ABAT: variants seen among roughly 807,000 people sequenced by gnomAD.
ABAT encodes the protein 4-aminobutyrate aminotransferase.
Under a neutral mutation model 64.6 loss-of-function variants are expected in ABAT, and 45 were observed. The observed-to-expected ratio is 0.70, with a 90% CI of 0.55 to 0.89. The LOEUF is 0.89. Ranked by LOEUF, ABAT falls within the 40% of genes least tolerant of loss-of-function variation. The probability of loss-of-function intolerance (pLI) is 0.00; values close to 1 mark genes in which losing one functional copy is unlikely to be tolerated. For synonymous variants in ABAT, 297 were observed against 250.5 expected, an observed-to-expected ratio of 1.19 and a Z score of -1.75; for missense variants, 633 against 658.4, an observed-to-expected ratio of 0.96 and a Z score of 0.42.
chr16:8,682,186 T>TAC (rs55951090), intron 1 of ABAT, among the ~76,000 whole-genome samples: 29,795 of 131,342 alleles, frequency 0.23, 3,170 homozygotes, highest in Admixed American at 0.28. Context: ...CCTAACAGGA[T>TAC]ACACACACAC....
chr16:8,754,134 C>G (rs2059570662), intron 5 of ABAT, among the ~76,000 whole-genome samples: 1 of 135,136 alleles, frequency 7.4e-6, no homozygotes, highest in Non-Finnish European at 1.5e-5. Flanking sequence ...AGCTTGAGCT[C>G]AGGAGTTTGA....
intron 1 of ABAT, among the ~76,000 whole-genome samples, chr16:8,686,887 T>C (rs1261198716): frequency 6.6e-5 from 10 of 152,114 alleles, no homozygotes; most frequent in Non-Finnish European, 1.0e-4. Context: ...TATGAACTGA[T>C]GGTATGTGGA....
chr16:8,766,188 G>C lies in ABAT; in HGVS notation c.541-20G>C. 6.2e-7 allele frequency: 1 copy of C among 1,613,354 alleles called. No homozygotes were observed. The highest frequency in any genetic ancestry group is 8.5e-7 in the Non-Finnish European group (1 of 1,179,400). Reference sequence around the variant, plus strand: ...TACCCCAGAGCATCTCTGAGATTTTGTTCTGTTCTATTGTTTCAGAGCAAG... The same window carrying C: ...TACCCCAGAGCATCTCTGAGATTTTCTTCTGTTCTATTGTTTCAGAGCAAG... On this transcript the variant is annotated intron_variant, in intron 8 of 15. Transcript: ENST00000268251.
chr16:8,755,322 A>T (rs1596458240), intron 5 of ABAT, among the ~76,000 whole-genome samples: 1 of 151,822 alleles, frequency 6.6e-6, no homozygotes, highest in Middle Eastern at 3.4e-3. Flanking sequence ...TGGACAGGGG[A>T]CTCTGTGTAG....
intron 1 of ABAT, among the ~76,000 whole-genome samples, chr16:8,678,051 C>T (rs1405243747): frequency 6.6e-6 from 1 of 152,050 alleles, no homozygotes; most frequent in African/African-American, 2.4e-5. Flanking sequence ...CAGAGTGAGA[C>T]ACTGTCTCCA....
chr16:8,693,256 C>G lies in ABAT; in HGVS notation c.-42+18545C>G, dbSNP rs112763591. On this transcript the variant is annotated intron_variant, in intron 1 of 15. Coordinates refer to ENST00000268251, the MANE Select transcript of ABAT (RefSeq NM_020686.6). ...AAACAGTTAATTACAAGATTAGCCT[C>G]TACGTATATTTTATGCATCCATGAC... Among the ~76,000 whole-genome samples the G allele has an allele frequency of 2.3e-3, 351 of 152,232 alleles. 3 individuals are homozygous for G. Among genetic ancestry groups the G allele is most frequent in the African/African-American group, 8.2e-3 (342 of 41,526 alleles).
At chr16:8,773,240 C>G (rs1278330125) in intron 12 of ABAT, among the ~76,000 whole-genome samples, 1 of 152,050 alleles carries the variant, frequency 6.6e-6, no homozygotes, top group Non-Finnish European at 1.5e-5. Flanking sequence ...CAACCCCTAC[C>G]TCCCAGGTTC....
intron 1 of ABAT, among the ~76,000 whole-genome samples, chr16:8,716,756 A>G (rs1266135932): frequency 1.3e-5 from 2 of 152,204 alleles, no homozygotes; most frequent in African/African-American, 4.8e-5. Context: ...TGCAGCAGAC[A>G]GGCCCAGGCA....
chr16:8,711,087 C>T (rs1352201027), intron 1 of ABAT, among the ~76,000 whole-genome samples: 1 of 152,184 alleles, frequency 6.6e-6, no homozygotes, highest in Non-Finnish European at 1.5e-5. Context: ...GAGACAAATT[C>T]CTTCAAGTAG....
chr16:8,760,182 C>A, intron 6 of ABAT: 1 of 152,178 alleles, frequency 6.6e-6, no homozygotes, highest in East Asian at 1.9e-4. Context: ...CAGATCCTGC[C>A]AGACAGTTCT....
intron 1 of ABAT, among the ~76,000 whole-genome samples, chr16:8,687,385 G>A (rs898858069): frequency 1.3e-5 from 2 of 152,182 alleles, no homozygotes; most frequent in African/African-American, 4.8e-5. Flanking sequence ...AATTAGCTGG[G>A]TGTTGTGGCG....
intron 1 of ABAT, among the ~76,000 whole-genome samples, chr16:8,696,978 G>C (rs1037437517): frequency 1.2e-4 from 18 of 152,172 alleles, no homozygotes; most frequent in African/African-American, 4.3e-4. Flanking sequence ...TACATTGCGC[G>C]TCGACTGTGA....
At chr16:8,727,999 C>T (rs758813306) in intron 1 of ABAT, among the ~76,000 whole-genome samples, 7 of 152,058 alleles carry the variant, frequency 4.6e-5, no homozygotes, top group Non-Finnish European at 8.8e-5. Context: ...AGAGCCCGGG[C>T]GATAGAGGCT....
At chr16:8,748,328 G>A (rs41303767) in intron 4 of ABAT, among the ~76,000 whole-genome samples, 191 bp downstream of exon 4, 5,182 of 152,056 alleles carry the variant, frequency 0.034, 279 homozygotes, top group African/African-American at 0.12. Flanking sequence ...TAATTTCTAC[G>A]CTTTGGTAAA....
intron 1 of ABAT, among the ~76,000 whole-genome samples, chr16:8,728,066 G>A (rs2058609818): frequency 7.6e-6 from 1 of 131,720 alleles, no homozygotes; most frequent in South Asian, 2.5e-4. Flanking sequence ...GTGAGACCCT[G>A]TCAGAGAGAG....
chr16:8,714,738 A>C (rs1294030875), intron 1 of ABAT: 1 of 152,442 alleles, frequency 6.6e-6, no homozygotes, highest in Non-Finnish European at 1.5e-5. Context: ...CGGTTGCTCT[A>C]AGTGAACCCT....
intron 1 of ABAT, among the ~76,000 whole-genome samples, chr16:8,675,172 C>G (rs896531441): frequency 1.3e-5 from 2 of 151,906 alleles, no homozygotes; most frequent in Non-Finnish European, 2.9e-5. Context: ...AAGCTCTCCC[C>G]CCATCATAAG....
chr16:8,753,165 C>T (rs2059542233), intron 5 of ABAT, among the ~76,000 whole-genome samples: 1 of 150,592 alleles, frequency 6.6e-6, no homozygotes, highest in African/African-American at 2.4e-5. Context: ...ATGATCTCGG[C>T]TCACTGCAAG....
intron 2 of ABAT, among the ~76,000 whole-genome samples, chr16:8,740,047 G>A (rs551917167): frequency 6.6e-6 from 1 of 151,950 alleles, no homozygotes; most frequent in African/African-American, 2.4e-5. Context: ...AAAATGATAG[G>A]AATTACAGCT....
Sources: gnomAD v4.1 joint callset for allele counts (sites outside exome capture counted in the v4.1 genomes callset) on GRCh38, gnomAD v4.1.1 for gene constraint, MANE v1.5 for transcripts, NCBI Gene and HGNC (gene_info 2026-07-23, HGNC 2026-07-21) for gene names.